The following NADK variants were observed in gnomAD, a reference collection of about 807,000 sequenced individuals.
NADK encodes poly(P)/ATP NAD kinase.
Under a neutral mutation model 49.8 loss-of-function variants are expected in NADK, and 22 were observed. The observed-to-expected ratio is 0.44, with a 90% CI of 0.32 to 0.63. NADK has a LOEUF of 0.63. Ranked by LOEUF, NADK falls within the 30% of genes least tolerant of loss-of-function variation. The pLI, the probability that NADK is intolerant of heterozygous loss-of-function variation, is 0.06. For synonymous variants in NADK, 268 were observed against 253.7 expected, an observed-to-expected ratio of 1.06 and a Z score of -0.54; for missense variants, 438 against 609.4, an observed-to-expected ratio of 0.72 and a Z score of 2.96.
chr1:1,755,327 A>C lies in NADK; in HGVS notation c.688+47T>G, dbSNP rs200119313. 20 of 1,339,650 alleles carry C rather than the reference A, an allele frequency of 1.5e-5. No individual in the cohort carries two copies. The East Asian group carries it at 3.9e-4, about 26-fold the overall frequency. 83.0% of individuals were successfully genotyped at this position (1,339,650 alleles called of 1,614,324 possible). A position where few individuals can be genotyped will look rare whatever the true frequency, so the allele number is the denominator to read the frequency against. On this transcript the variant is annotated intron_variant, in intron 7 of 11. Transcript: ENST00000341426. ...ACCCCCCGCAAGCAAGCGAGACAGCAGCGCCATGATCAGAGCTCCTGTGGG... is the reference window on the plus strand; with the variant it reads ...ACCCCCCGCAAGCAAGCGAGACAGCCGCGCCATGATCAGAGCTCCTGTGGG...
rs1225135912 is a variant in NADK at position 1,752,467 on chromosome 1, G to C, written c.*437C>G. 6.5e-6 allele frequency: 1 copy of C among 154,808 alleles called. No individual in the cohort carries two copies. Among genetic ancestry groups the C allele is most frequent in the Admixed American group, 6.5e-5 (1 of 15,416 alleles). 9.6% of individuals were successfully genotyped at this position (154,808 alleles called of 1,614,324 possible). A position where few individuals can be genotyped will look rare whatever the true frequency, so the allele number is the denominator to read the frequency against. On this transcript the variant is annotated 3_prime_UTR_variant, in exon 12 of 12. Transcript: ENST00000341426. ...CAGGGGCTTCCCTGCAGAAGTTTTAGGGGAAGAGGTGCAGGTCAAGGGGAA... is the reference window on the plus strand; with the variant it reads ...CAGGGGCTTCCCTGCAGAAGTTTTACGGGAAGAGGTGCAGGTCAAGGGGAA...
intron 2 of NADK, among the ~76,000 whole-genome samples, chr1:1,763,489 T>C (rs928995885): frequency 2.0e-5 from 3 of 151,594 alleles, no homozygotes; most frequent in Non-Finnish European, 4.4e-5. Context: ...CGTGGTGGCA[T>C]ATGCCTGTAA....
At chr1:1,756,844 G>A in intron 4 of NADK, 1 of 858,392 alleles carries the variant, frequency 1.2e-6, no homozygotes, top group Non-Finnish European at 2.0e-6. Context: ...TATTTCAGGA[G>A]TGGCTTTCCT....
chr1:1,761,574 CACTCTT>C (rs1645726009), intron 3 of NADK: 2 of 192,528 alleles, frequency 1.0e-5, no homozygotes, highest in Admixed American at 1.1e-4. Flanking sequence ...AATTCTCACT[CACTCTT>C]AAAGAAACAA....
chr1:1,777,774 AAC>A (rs1348236938), intron 1 of NADK, among the ~76,000 whole-genome samples: 1 of 152,122 alleles, frequency 6.6e-6, no homozygotes, highest in East Asian at 1.9e-4. Flanking sequence ...CGCCTGTAGG[AAC>A]ATCACCATAG....
At chr1:1,758,936 G>C (rs1645623312) in intron 3 of NADK, among the ~76,000 whole-genome samples, 1 of 152,200 alleles carries the variant, frequency 6.6e-6, no homozygotes, top group South Asian at 2.1e-4. Context: ...TCAGGCCACA[G>C]TCAGGTGGAA....
At chr1:1,768,061 C>A (rs899778285) in intron 1 of NADK, among the ~76,000 whole-genome samples, 1 of 151,586 alleles carries the variant, frequency 6.6e-6, no homozygotes, top group African/African-American at 2.4e-5. Flanking sequence ...ATCCTAGCTA[C>A]TTGGGACGCT....
intron 1 of NADK, among the ~76,000 whole-genome samples, chr1:1,777,718 C>CTAGA (rs1646253949): frequency 2.6e-5 from 4 of 152,106 alleles, no homozygotes; most frequent in Admixed American, 2.0e-4. Context: ...AAACGACGAC[C>CTAGA]TAGAGCTCAA....
intron 1 of NADK, among the ~76,000 whole-genome samples, chr1:1,771,044 A>T (rs1359777308): frequency 2.4e-4 from 6 of 25,086 alleles, no homozygotes; most frequent in East Asian, 1.2e-3. Flanking sequence ...TCATCTTATA[A>T]AAAAAAAAAA....
At chr1:1,777,581 G>A (rs1452429212) in intron 1 of NADK, among the ~76,000 whole-genome samples, 1 of 139,174 alleles carries the variant, frequency 7.2e-6, no homozygotes, top group East Asian at 2.5e-4. Flanking sequence ...ACTCGGAATC[G>A]AAGCCAAAAG....
intron 2 of NADK, among the ~76,000 whole-genome samples, chr1:1,763,322 A>AG (rs1291940693): frequency 1.3e-5 from 2 of 152,138 alleles, no homozygotes; most frequent in Admixed American, 6.5e-5. Context: ...TCTCTACACA[A>AG]AAATACAAAA....
Position 1,752,953 on chromosome 1 carries a change from T to C in NADK, c.1292A>G (p.Lys431Arg). The C allele has an allele frequency of 6.3e-7, 1 of 1,598,810 alleles. No individual in the cohort carries two copies. Among genetic ancestry groups the C allele is most frequent in the South Asian group, 1.1e-5 (1 of 89,144 alleles). The change falls in exon 12 of 12, where the codon AAG becomes AGG. Residue 431 changes from lysine to arginine, a missense_variant. Physicochemically the swap from Lys to Arg is conservative, Grantham distance 26 (BLOSUM62 2). Transcript: ENST00000341426. ...LAQCLHWNVR[K>R]KQAHFEEEEE... ...CTCCTCCTCGAAGTGGGCTTGCTTCTTCCGGACGTTCCAATGCAGGCACTG... is the reference window on the plus strand; with the variant it reads ...CTCCTCCTCGAAGTGGGCTTGCTTCCTCCGGACGTTCCAATGCAGGCACTG...
At chr1:1,759,167 G>A in intron 3 of NADK, 1 of 1,563,990 alleles carries the variant, frequency 6.4e-7, no homozygotes, top group South Asian at 1.2e-5. Context: ...GCCACCAGCA[G>A]CGGCGTCGTA....
chr1:1,761,843 C>A, intron 3 of NADK, 109 bp downstream of exon 3: 8 of 951,914 alleles, frequency 8.4e-6, no homozygotes, highest in Non-Finnish European at 1.3e-5. Flanking sequence ...TCCCACAACT[C>A]CACACACATC....
Position 1,755,330 on chromosome 1 carries a change from G to A in NADK, c.688+44C>T, listed in dbSNP as rs76477378. 1.7e-3 allele frequency: 2,322 copies of A among 1,370,258 alleles called. 43 individuals are homozygous for A. The African/African-American group carries it at 0.031, about 18-fold the overall frequency. 84.9% of individuals were successfully genotyped at this position (1,370,258 alleles called of 1,614,324 possible). A position where few individuals can be genotyped will look rare whatever the true frequency, so the allele number is the denominator to read the frequency against. On this transcript the variant is annotated intron_variant, in intron 7 of 11. Coordinates refer to ENST00000341426, the MANE Select transcript of NADK (RefSeq NM_023018.5). ...CCCCGCAAGCAAGCGAGACAGCAGC[G>A]CCATGATCAGAGCTCCTGTGGGCTC...
chr1:1,759,845 C>T lies in NADK; in HGVS notation c.263+2107G>A, dbSNP rs367736412. 4,342 of 1,551,046 alleles carry T rather than the reference C, an allele frequency of 2.8e-3. 9 individuals carry two copies. Among genetic ancestry groups the T allele is most frequent in the Non-Finnish European group, 3.6e-3 (4,082 of 1,147,206 alleles). ...CCTGTCCGGTGACCCCGCCCTGGCCCGAGTGACTGACGGCTGGTGAAGGCA... is the reference window on the plus strand; with the variant it reads ...CCTGTCCGGTGACCCCGCCCTGGCCTGAGTGACTGACGGCTGGTGAAGGCA... On this transcript the variant is annotated intron_variant, in intron 3 of 11. Coordinates refer to ENST00000341426, the MANE Select transcript of NADK (RefSeq NM_023018.5).
At chr1:1,767,366 A>G (rs1383363087) in intron 1 of NADK, among the ~76,000 whole-genome samples, 1 of 152,244 alleles carries the variant, frequency 6.6e-6, no homozygotes, top group Non-Finnish European at 1.5e-5. Flanking sequence ...AACACCCAGA[A>G]GCTGGAGGTG....
At position 1,755,483 on chromosome 1, in the gene NADK, G is replaced by A. The variant is rs777027372; in HGVS notation, c.586-7C>T. ...TGACCGGAGGGACGCTGCCCTGTGA[G>A]CCGACGGAGAGGTCACTCAGTGCCC... On this transcript the variant is annotated splice_polypyrimidine_tract_variant and splice_region_variant and intron_variant, in intron 6 of 11. Coordinates refer to ENST00000341426, the MANE Select transcript of NADK (RefSeq NM_023018.5). The A allele has an allele frequency of 6.2e-7, 1 of 1,611,480 alleles. No individual in the cohort carries two copies. Among genetic ancestry groups the A allele is most frequent in the South Asian group, 1.1e-5 (1 of 91,026 alleles).
At position 1,752,624 on chromosome 1, in the gene NADK, C is replaced by T. The variant is rs2235534; in HGVS notation, c.*280G>A. On this transcript the variant is annotated 3_prime_UTR_variant, in exon 12 of 12. Coordinates refer to ENST00000341426, the MANE Select transcript of NADK (RefSeq NM_023018.5). The stretch of plus-strand genomic sequence containing the variant: ...GAAAAATATCCTGGCATGGAAATTG[C>T]GGCAGCTGGAGGCCGCGCTCCAGGG... 0.036 allele frequency: 12,724 copies of T among 355,432 alleles called. 797 individuals carry two copies. The highest frequency in any genetic ancestry group is 0.16 in the African/African-American group (7,891 of 47,884). The allele number at this position is 355,432 out of a possible 1,614,324, so 22.0% of individuals were successfully genotyped here. A position where few individuals can be genotyped will look rare whatever the true frequency, so the allele number is the denominator to read the frequency against.
Sources: allele counts gnomAD v4.1 joint callset (sites outside exome capture counted in the v4.1 genomes callset), GRCh38; gene constraint gnomAD v4.1.1; transcripts MANE v1.5; gene names NCBI Gene and HGNC (gene_info 2026-07-23, HGNC 2026-07-21).